The following GLIS1 variants were observed in gnomAD, a reference collection of about 807,000 sequenced individuals.
The protein encoded by GLIS1 is zinc finger protein GLIS1.
A neutral mutation model predicts 63.8 loss-of-function variants in GLIS1; 24 were observed. That is an observed-to-expected ratio of 0.38 (90% CI 0.27 to 0.53). GLIS1 has a LOEUF of 0.53. Ranked by LOEUF, GLIS1 falls within the 20% of genes least tolerant of loss-of-function variation. GLIS1 has a pLI of 0.85. For synonymous variants in GLIS1, 450 were observed against 482.5 expected (o/e 0.93, Z 0.88); for missense variants, 1,036 against 1,074.1 (o/e 0.96, Z 0.50).
chr1:53,665,770 T>C (rs1646084686), intron 2 of GLIS1, among the ~76,000 whole-genome samples: 1 of 152,166 alleles, frequency 6.6e-6, no homozygotes. Flanking sequence ...AGAGGTGACC[T>C]TCAAGCAAAC....
intron 4 of GLIS1, among the ~76,000 whole-genome samples, chr1:53,556,908 A>ATG (rs372507777): frequency 5.0e-5 from 5 of 99,442 alleles, no homozygotes; most frequent in Admixed American, 2.8e-4. Context: ...TACTGCAGGT[A>ATG]TGTGTGTGTG....
chr1:53,673,042 C>T (rs928032212), intron 2 of GLIS1, among the ~76,000 whole-genome samples: 1 of 152,240 alleles, frequency 6.6e-6, no homozygotes, highest in African/African-American at 2.4e-5. Context: ...AGCTGGCAAG[C>T]ACTCCGTGTT....
At chr1:53,728,206 C>T (rs1646824534) in intron 2 of GLIS1, among the ~76,000 whole-genome samples, 1 of 152,104 alleles carries the variant, frequency 6.6e-6, no homozygotes. Flanking sequence ...GGGAAGACTT[C>T]AAAGAGGAGG....
chr1:53,704,523 G>T (rs748069019), intron 2 of GLIS1, among the ~76,000 whole-genome samples: 37 of 152,162 alleles, frequency 2.4e-4, no homozygotes, highest in Non-Finnish European at 5.0e-4. Context: ...GGGCCTGGGT[G>T]AGCAGATGAA....
chr1:53,709,347 T>C (rs555499734), intron 2 of GLIS1, among the ~76,000 whole-genome samples: 1 of 121,690 alleles, frequency 8.2e-6, no homozygotes, highest in Non-Finnish European at 1.7e-5. Flanking sequence ...TATACATATA[T>C]ACATATATAT....
Position 53,506,299 on chromosome 1 carries a change from C to A in GLIS1, c.*320G>T. The A allele has an allele frequency of 3.1e-6, 1 of 323,914 alleles. No homozygotes were observed. The highest frequency in any genetic ancestry group is 4.9e-5 in the East Asian group (1 of 20,214). 20.1% of individuals were successfully genotyped at this position (323,914 alleles called of 1,614,324 possible). A position where few individuals can be genotyped will look rare whatever the true frequency, so the allele number is the denominator to read the frequency against. ...CAAAAATATAAAACTGGCAGGGGAA[C>A]GGAAAACAAGTTCTGCATATTTTAT... On this transcript the variant is annotated 3_prime_UTR_variant, in exon 11 of 11. Transcript: ENST00000628545.
At position 53,514,860 on chromosome 1, in the gene GLIS1, C is replaced by T. The variant is rs111395176; in HGVS notation, c.1727-79G>A. 9,247 of 1,423,422 alleles carry T rather than the reference C, an allele frequency of 6.5e-3. 103 individuals are homozygous for T. Among genetic ancestry groups the T allele is most frequent in the African/African-American group, 0.047 (3,234 of 68,638 alleles). 88.2% of individuals were successfully genotyped at this position (1,423,422 alleles called of 1,614,324 possible). A position where few individuals can be genotyped will look rare whatever the true frequency, so the allele number is the denominator to read the frequency against. ...TGTGATGGCCCAGGAGCTGTGTGTG[C>T]CTGATGATGGAGAAATAAAGACAAG... is the stretch of plus-strand genomic sequence containing the variant. On this transcript the variant is annotated intron_variant, in intron 7 of 10. Transcript: ENST00000628545.
intron 2 of GLIS1, among the ~76,000 whole-genome samples, chr1:53,658,828 C>A (rs891747546): frequency 1.3e-5 from 2 of 152,142 alleles, no homozygotes; most frequent in Non-Finnish European, 2.9e-5. Flanking sequence ...ACTGGCCTAC[C>A]TGTCTCTCCC....
chr1:53,619,502 C>T (rs1375593235), intron 2 of GLIS1, among the ~76,000 whole-genome samples: 3 of 152,234 alleles, frequency 2.0e-5, no homozygotes, highest in African/African-American at 7.2e-5. Flanking sequence ...TCATCTAAGC[C>T]TCTCAACAGT....
Position 53,639,651 on chromosome 1 carries a change from T to A in GLIS1, c.260-39373A>T, listed in dbSNP as rs1457296442. On this transcript the variant is annotated intron_variant, in intron 2 of 10. Coordinates refer to ENST00000628545, the MANE Select transcript of GLIS1 (RefSeq NM_001367484.1). The surrounding 1 kb of genome is among the most constrained non-coding windows in gnomAD (Gnocchi z 4.6). ...TTACCTCGGAGACAGGGTGGGGCTT[T>A]TTTTTTCCAGCCCGCTATCCTGGGC... 6.6e-6 allele frequency among the ~76,000 whole-genome samples: 1 copy of A among 152,144 alleles called. No homozygotes were observed. The highest frequency in any genetic ancestry group is 2.4e-5 in the African/African-American group (1 of 41,428).
intron 2 of GLIS1, among the ~76,000 whole-genome samples, chr1:53,606,776 G>C (rs373067569): frequency 2.6e-5 from 4 of 152,238 alleles, no homozygotes; most frequent in African/African-American, 7.2e-5. Flanking sequence ...CAGAACAGCA[G>C]GCCTGACGCT....
At chr1:53,684,767 C>T (rs1476205800) in intron 2 of GLIS1, among the ~76,000 whole-genome samples, 1 of 152,242 alleles carries the variant, frequency 6.6e-6, no homozygotes, top group Non-Finnish European at 1.5e-5. Flanking sequence ...TCCTGGCCAG[C>T]AGGCTCCCAG....
chr1:53,654,450 G>A (rs1030569961), intron 2 of GLIS1, among the ~76,000 whole-genome samples: 2 of 152,212 alleles, frequency 1.3e-5, no homozygotes, highest in Non-Finnish European at 2.9e-5. Context: ...TGGAGACACA[G>A]GGATGGCAGG....
rs940436117 is a variant in GLIS1, at chr1:53,526,919, C to T, written c.1483-2032G>A. ...CCTGGAATGGCCATGTGGGCTGCAGCGCCGGGCGGCCTCCCTCTGTCTGTA... is the reference window on the plus strand; with the variant it reads ...CCTGGAATGGCCATGTGGGCTGCAGTGCCGGGCGGCCTCCCTCTGTCTGTA... On this transcript the variant is annotated intron_variant, in intron 5 of 10. Coordinates refer to ENST00000628545, the MANE Select transcript of GLIS1 (RefSeq NM_001367484.1). This position sits in a 1 kb window ranked among gnomAD's most constrained non-coding sequence, Gnocchi z 4.4. Among the ~76,000 whole-genome samples, 13 of 152,388 alleles carry T rather than the reference C, an allele frequency of 8.5e-5. No homozygotes were observed. Among genetic ancestry groups the T allele is most frequent in the Admixed American group, 5.2e-4 (8 of 15,314 alleles).
intron 4 of GLIS1, among the ~76,000 whole-genome samples, chr1:53,533,430 A>G (rs984959452): frequency 6.6e-6 from 1 of 152,188 alleles, no homozygotes; most frequent in African/African-American, 2.4e-5. Context: ...AGGTACCCCG[A>G]TAAGTGCGTG....
At chr1:53,537,110 A>G (rs1056837806) in intron 4 of GLIS1, among the ~76,000 whole-genome samples, 3 of 152,162 alleles carry the variant, frequency 2.0e-5, no homozygotes, top group African/African-American at 7.2e-5. Flanking sequence ...GATGAAAGAC[A>G]GAGGGGAGCC....
chr1:53,579,570 A>G (rs1484684289), intron 4 of GLIS1, among the ~76,000 whole-genome samples: 1 of 152,070 alleles, frequency 6.6e-6, no homozygotes, highest in African/African-American at 2.4e-5. Flanking sequence ...TGAGCTGCCA[A>G]CCTCCCGACA....
chr1:53,614,425 G>T (rs1396660290), intron 2 of GLIS1, among the ~76,000 whole-genome samples: 1 of 152,120 alleles, frequency 6.6e-6, no homozygotes, highest in East Asian at 1.9e-4. Flanking sequence ...GTGCGTTCCA[G>T]GGCGGGAACA....
chr1:53,645,995 A>G (rs1645841166), intron 2 of GLIS1, among the ~76,000 whole-genome samples: 1 of 152,254 alleles, frequency 6.6e-6, no homozygotes, highest in South Asian at 2.1e-4. Flanking sequence ...ATATTCATTC[A>G]TATGATGAAT....
Sources: allele counts gnomAD v4.1 joint callset (sites outside exome capture counted in the v4.1 genomes callset), GRCh38; gene constraint gnomAD v4.1.1; non-coding constraint Gnocchi (gnomAD v3.1); transcripts MANE v1.5; gene names NCBI Gene and HGNC (gene_info 2026-07-23, HGNC 2026-07-21).